Variants in RANBP17 observed in about 807,000 individuals in gnomAD.
RANBP17 encodes RAN binding protein 17, also known as ran-binding protein 17.
A neutral mutation model predicts 141.2 loss-of-function variants in RANBP17; 158 were observed. That is an observed-to-expected ratio of 1.12 (90% confidence interval 0.98 to 1.28). The LOEUF (loss-of-function observed/expected upper bound fraction) is 1.28. Among genes scored for constraint, RANBP17 ranks in the 50% most tolerant of loss-of-function variants. The probability of loss-of-function intolerance (pLI) is 0.00; values close to 1 mark genes in which losing one functional copy is unlikely to be tolerated. For synonymous variants in RANBP17, 430 were observed against 450.0 expected (o/e 0.96, Z 0.56); for missense variants, 1,438 against 1,290.7 (o/e 1.11, Z -1.75).
rs568673852 is a variant in RANBP17 at position 171,284,329 on chromosome 5, GTTTA to G, written c.2944-9546_2944-9543del. ...ATTTCATTTTATTTTATTTTATTTT[GTTTA>G]TTTATTTTGGAGACAGAGTTTCACT... On this transcript the variant is annotated intron_variant, in intron 25 of 27. Transcript: ENST00000523189. 4.8e-3 allele frequency among the ~76,000 whole-genome samples: 723 copies of G among 151,806 alleles called. 6 individuals are homozygous for G. Among genetic ancestry groups the G allele is most frequent in the South Asian group, 0.024 (115 of 4,794 alleles).
intron 18 of RANBP17, among the ~76,000 whole-genome samples, chr5:171,197,834 C>G (rs1487157142): frequency 9.2e-5 from 14 of 152,042 alleles, no homozygotes; most frequent in Admixed American, 9.2e-4. Flanking sequence ...GTCAGGAGAT[C>G]AAGACCATCC....
At chr5:171,283,935 A>G (rs953337220) in intron 25 of RANBP17, among the ~76,000 whole-genome samples, 2 of 152,164 alleles carry the variant, frequency 1.3e-5, no homozygotes, top group Non-Finnish European at 2.9e-5. Flanking sequence ...GTACATTACA[A>G]TATTCATTGC....
At chr5:171,011,860 C>G (rs145532333) in intron 14 of RANBP17, among the ~76,000 whole-genome samples, 1 of 151,736 alleles carries the variant, frequency 6.6e-6, no homozygotes, top group Non-Finnish European at 1.5e-5. Flanking sequence ...ATATCTGAAC[C>G]GGACATGCAT....
intron 14 of RANBP17, among the ~76,000 whole-genome samples, chr5:171,063,489 G>A (rs245759): frequency 0.61 from 93,047 of 152,094 alleles, 29,832 homozygotes; most frequent in South Asian, 0.88. Flanking sequence ...TTCGTGAACC[G>A]CGAATGCTGC....
intron 1 of RANBP17, among the ~76,000 whole-genome samples, chr5:170,868,903 T>C (rs569668526): frequency 3.3e-5 from 5 of 152,330 alleles, no homozygotes; most frequent in African/African-American, 1.2e-4. Context: ...CTTAATTGCT[T>C]TATACGTCTA....
chr5:171,267,335 C>T (rs1766788724), intron 25 of RANBP17, among the ~76,000 whole-genome samples: 1 of 151,990 alleles, frequency 6.6e-6, no homozygotes, highest in Non-Finnish European at 1.5e-5. Flanking sequence ...TGAGCCACTG[C>T]ACCTAGCCCT....
At chr5:170,891,565 G>T (rs1486781445) in intron 3 of RANBP17, among the ~76,000 whole-genome samples, 2 of 152,180 alleles carry the variant, frequency 1.3e-5, no homozygotes, top group Admixed American at 1.3e-4. Context: ...TCATGGTTCT[G>T]CAGGCTGTAC....
intron 11 of RANBP17, among the ~76,000 whole-genome samples, 161 bp from the exon 12 acceptor site, chr5:170,924,196 T>C (rs1772724411): frequency 6.6e-6 from 1 of 152,152 alleles, no homozygotes; most frequent in Non-Finnish European, 1.5e-5. Flanking sequence ...GATTTCGCTA[T>C]GTTGGCCTGA....
At chr5:171,005,802 C>T (rs1779557602) in intron 14 of RANBP17, among the ~76,000 whole-genome samples, 1 of 152,246 alleles carries the variant, frequency 6.6e-6, no homozygotes, top group African/African-American at 2.4e-5. Flanking sequence ...TCAGAGTGAA[C>T]AGGCAACCTA....
chr5:171,147,621 G>A (rs972044968), intron 14 of RANBP17, among the ~76,000 whole-genome samples: 4 of 151,932 alleles, frequency 2.6e-5, no homozygotes, highest in Non-Finnish European at 5.9e-5. Flanking sequence ...TCACCATTTT[G>A]GCCAGGCTAG....
At chr5:171,148,004 A>G (rs1016439037) in intron 14 of RANBP17, among the ~76,000 whole-genome samples, 31 of 152,126 alleles carry the variant, frequency 2.0e-4, no homozygotes, top group Non-Finnish European at 3.1e-4. Flanking sequence ...TCTGTGTAGA[A>G]AGAAGTAGAC....
chr5:171,274,952 T>C (rs994485871), intron 25 of RANBP17, among the ~76,000 whole-genome samples: 1 of 152,136 alleles, frequency 6.6e-6, no homozygotes, highest in Non-Finnish European at 1.5e-5. Context: ...TTCCAAATGG[T>C]TAACAGAACA....
At chr5:171,209,044 AATC>A (rs1762730782) in intron 20 of RANBP17, among the ~76,000 whole-genome samples, 1 of 152,202 alleles carries the variant, frequency 6.6e-6, no homozygotes, top group African/African-American at 2.4e-5. Flanking sequence ...AAATTACTAT[AATC>A]AAATATAGAA....
chr5:171,120,005 C>T (rs1755907869), intron 14 of RANBP17, among the ~76,000 whole-genome samples: 1 of 140,662 alleles, frequency 7.1e-6, no homozygotes, highest in Non-Finnish European at 1.5e-5. Flanking sequence ...CCATTGCACT[C>T]TGGCCTGGGC....
chr5:171,269,380 A>C (rs1349823012), intron 25 of RANBP17, among the ~76,000 whole-genome samples: 1 of 152,232 alleles, frequency 6.6e-6, no homozygotes, highest in Admixed American at 6.5e-5. Context: ...TCTGCTGCGT[A>C]TAAAATTACT....
chr5:171,223,155 G>A lies in RANBP17; in HGVS notation c.2422+1315G>A, dbSNP rs182502670. Among the ~76,000 whole-genome samples the A allele has an allele frequency of 8.5e-3, 1,297 of 152,018 alleles. 15 individuals are homozygous for A. Among genetic ancestry groups the A allele is most frequent in the African/African-American group, 0.029 (1,196 of 41,414 alleles). On this transcript the variant is annotated intron_variant, in intron 22 of 27. Coordinates refer to ENST00000523189, the MANE Select transcript of RANBP17 (RefSeq NM_022897.5). Reference sequence around the variant, plus strand: ...GGGATCTGAGCTGTATACATTGTAGGCCTCCATTAAAAATACTTCATTTTA... The same window carrying A: ...GGGATCTGAGCTGTATACATTGTAGACCTCCATTAAAAATACTTCATTTTA...
At position 171,085,431 on chromosome 5, in the gene RANBP17, G is replaced by A. The variant is rs1785580754; in HGVS notation, c.1711-84699G>A. Among the ~76,000 whole-genome samples the A allele has an allele frequency of 2.6e-5, 2 of 76,170 alleles. 1 individual carries two copies. Among genetic ancestry groups the A allele is most frequent in the Admixed American group, 2.7e-4 (2 of 7,292 alleles). 50.0% of individuals were successfully genotyped at this position (76,170 alleles called of 152,430 possible). On this transcript the variant is annotated intron_variant, in intron 14 of 27. Transcript: ENST00000523189. ...AGCTTTGTTCTTTTGGCTTAGGATTGACTTGGCAATGCAGGCTCTTTTTTG... is the reference window on the plus strand; with the variant it reads ...AGCTTTGTTCTTTTGGCTTAGGATTAACTTGGCAATGCAGGCTCTTTTTTG...
At chr5:171,194,777 A>G (rs1761864826) in intron 18 of RANBP17, among the ~76,000 whole-genome samples, 1 of 152,196 alleles carries the variant, frequency 6.6e-6, no homozygotes, top group South Asian at 2.1e-4. Context: ...GCAACTGCCA[A>G]ACTGTTTTCC....
intron 14 of RANBP17, among the ~76,000 whole-genome samples, chr5:171,052,352 A>G (rs1408366688): frequency 6.6e-6 from 1 of 152,012 alleles, no homozygotes; most frequent in Non-Finnish European, 1.5e-5. Flanking sequence ...ATTCATCCCT[A>G]TGTTTTTTTC....
Sources: gnomAD v4.1 joint callset for allele counts (sites outside exome capture counted in the v4.1 genomes callset) on GRCh38, gnomAD v4.1.1 for gene constraint, MANE v1.5 for transcripts, NCBI Gene and HGNC (gene_info 2026-07-23, HGNC 2026-07-21) for gene names.